Variants in ARVCF observed in about 807,000 individuals in gnomAD.
The protein encoded by ARVCF is splicing regulator ARVCF.
Under a neutral mutation model 90.9 loss-of-function variants are expected in ARVCF, and 66 were observed. The observed-to-expected ratio is 0.73, with a 90% confidence interval of 0.60 to 0.89. ARVCF has a LOEUF of 0.89. Ranked by LOEUF, ARVCF falls within the 40% of genes least tolerant of loss-of-function variation. The pLI, the probability that ARVCF is intolerant of heterozygous loss-of-function variation, is 0.00. For synonymous variants in ARVCF, 653 were observed against 603.4 expected (o/e 1.08, Z -1.21); for missense variants, 1,469 against 1,382.3 (o/e 1.06, Z -1.00).
chr22:19,993,780 C>A (rs1377765510), intron 2 of ARVCF, among the ~76,000 whole-genome samples: 7 of 152,244 alleles, frequency 4.6e-5, no homozygotes, highest in African/African-American at 1.4e-4. Context: ...CATGTTCCAA[C>A]CAGAAAACAT....
At chr22:19,977,192 T>A (rs1438675718) in intron 9 of ARVCF, among the ~76,000 whole-genome samples, 2 of 152,162 alleles carry the variant, frequency 1.3e-5, no homozygotes, top group Non-Finnish European at 2.9e-5. Context: ...GTGTACTCCC[T>A]GGGGGTCCCA....
At chr22:19,968,566 C>A (rs1303461986), downstream of ARVCF, 1 of 1,614,042 alleles carries the variant, frequency 6.2e-7, no homozygotes, top group Admixed American at 1.7e-5. Flanking sequence ...GGGGACAGTG[C>A]TACTGGCTGA....
chr22:19,990,293 G>A, intron 3 of ARVCF, among the ~76,000 whole-genome samples: 1 of 152,200 alleles, frequency 6.6e-6, no homozygotes, highest in East Asian at 1.9e-4. Context: ...AGTGTCTCTA[G>A]GCAGACCAAA....
At chr22:19,993,072 T>C (rs1215252643) in intron 2 of ARVCF, among the ~76,000 whole-genome samples, 2 of 152,178 alleles carry the variant, frequency 1.3e-5, no homozygotes, top group Non-Finnish European at 1.5e-5. Flanking sequence ...CTGGCAGCCA[T>C]GCTCAGGAGA....
downstream of ARVCF, among the ~76,000 whole-genome samples, chr22:19,968,167 C>T (rs564533638): frequency 2.6e-5 from 4 of 152,216 alleles, no homozygotes; most frequent in Non-Finnish European, 5.9e-5. Context: ...GGGTGCCTCT[C>T]CCTCATAGGC....
downstream of ARVCF, chr22:19,968,868 C>A: frequency 2.5e-6 from 2 of 792,546 alleles, no homozygotes; most frequent in Non-Finnish European, 4.2e-6. Context: ...GAGGCCTGCG[C>A]CCTGACATGC....
At chr22:20,003,530 AC>A (rs1301133922) in intron 2 of ARVCF, among the ~76,000 whole-genome samples, 2 of 152,214 alleles carry the variant, frequency 1.3e-5, no homozygotes, top group Non-Finnish European at 2.9e-5. Flanking sequence ...TATAAACCTA[AC>A]CAAGTGGGAT....
At chr22:19,998,884 T>G (rs1481290212) in intron 2 of ARVCF, among the ~76,000 whole-genome samples, 1 of 152,142 alleles carries the variant, frequency 6.6e-6, no homozygotes, top group Non-Finnish European at 1.5e-5. Flanking sequence ...TCCTCTCACT[T>G]CTCAAGCCTC....
chr22:19,975,842 C>A, intron 10 of ARVCF, 85 bp from the exon 11 acceptor site: 1 of 1,444,146 alleles, frequency 6.9e-7, no homozygotes, highest in Non-Finnish European at 9.6e-7. Context: ...TTCTCTCCTA[C>A]CCAGGCCCCA....
In ARVCF at chr22:20,007,794, TC is replaced by T. The variant is rs1199277063; in HGVS notation, c.-19+2660del. On this transcript the variant is annotated intron_variant, in intron 2 of 19. Coordinates refer to ENST00000263207, the MANE Select transcript of ARVCF (RefSeq NM_001670.3). ...AGATGTGGCCCCTCAATCCTGGACTTCCCCATCTCCAAAATTGTTAGAAATA... is the reference window on the plus strand; with the variant it reads ...AGATGTGGCCCCTCAATCCTGGACTTCCCATCTCCAAAATTGTTAGAAATA... Among the ~76,000 whole-genome samples the T allele has an allele frequency of 1.2e-4, 19 of 152,348 alleles. No individual in the cohort carries two copies. The East Asian group carries it at 3.1e-3, about 25-fold the overall frequency.
intron 4 of ARVCF, 72 bp from the exon 5 acceptor site, chr22:19,981,809 G>T: frequency 6.5e-7 from 1 of 1,548,820 alleles, no homozygotes. Flanking sequence ...GGTCTGGCTG[G>T]CCTTAATTTC....
In ARVCF at chr22:19,971,346, C is replaced by T. The variant is rs1291084922; in HGVS notation, c.2782-11G>A. ...CCTGCTGGGGTCGAGCTGCAGCGCA[C>T]GGGTGGGCATTAGAGGCACAATAGA... On this transcript the variant is annotated splice_polypyrimidine_tract_variant and intron_variant, in intron 18 of 19. Transcript: ENST00000263207. The T allele has an allele frequency of 3.9e-6, 6 of 1,549,200 alleles. No individual in the cohort carries two copies. The highest frequency in any genetic ancestry group is 1.2e-5 in the South Asian group (1 of 84,178).
chr22:19,973,626 T>A lies in ARVCF; in HGVS notation c.2239+17A>T. 1 of 1,596,338 alleles carries A rather than the reference T, an allele frequency of 6.3e-7. No homozygotes were observed. Among genetic ancestry groups the A allele is most frequent in the Non-Finnish European group, 8.5e-7 (1 of 1,170,382 alleles). ...CACAGTTCGGTGCCCAGGCGTGGGC[T>A]TTGCAGGCGTCCTCACCGATGAGGT... is the stretch of plus-strand genomic sequence containing the variant. On this transcript the variant is annotated intron_variant, in intron 13 of 19. Transcript: ENST00000263207.
At chr22:20,009,315 G>A (rs910910435) in intron 2 of ARVCF, among the ~76,000 whole-genome samples, 8 of 152,194 alleles carry the variant, frequency 5.3e-5, no homozygotes, top group African/African-American at 1.7e-4. Flanking sequence ...TGGCCCGGCC[G>A]GCAGCTTTCC....
downstream of ARVCF, chr22:19,968,425 C>A: frequency 9.3e-7 from 1 of 1,072,124 alleles, no homozygotes; most frequent in Non-Finnish European, 1.4e-6. Flanking sequence ...GCCCCAGGGG[C>A]TAGGCACAGG....
chr22:19,984,208 C>T (rs1195463027), intron 3 of ARVCF, among the ~76,000 whole-genome samples: 3 of 152,148 alleles, frequency 2.0e-5, no homozygotes, highest in Non-Finnish European at 2.9e-5. Flanking sequence ...AGAAAAACCC[C>T]CTCTTCCCTA....
chr22:19,974,729 C>G (rs1006616172), intron 11 of ARVCF, among the ~76,000 whole-genome samples: 11 of 151,980 alleles, frequency 7.2e-5, no homozygotes, highest in African/African-American at 2.4e-4. Context: ...CCCCTAGCAA[C>G]AGGGCCCACC....
chr22:19,973,772 T>C lies in ARVCF; in HGVS notation c.2110A>G (p.Thr704Ala), dbSNP rs1392706896. The C allele has an allele frequency of 6.2e-7, 1 of 1,606,752 alleles. No homozygotes were observed. Among genetic ancestry groups the C allele is most frequent in the Admixed American group, 1.7e-5 (1 of 60,012 alleles). ...GGCAGCCCGCGCTCTTTGCGCACTGTGGCGCGGATGTACGTGGCCCACTGC... is the reference window on the plus strand; with the variant it reads ...GGCAGCCCGCGCTCTTTGCGCACTGCGGCGCGGATGTACGTGGCCCACTGC... ...NWMWATYIRA[T>A]VRKERGLPVL... The change falls in exon 13 of 20, where the codon ACA (threonine) becomes GCA (alanine). Residue 704 changes from threonine to alanine, a missense_variant. Transcript: ENST00000263207.
chr22:19,972,960 A>G lies in ARVCF; in HGVS notation c.2515T>C (p.Leu839=). The G allele has an allele frequency of 1.2e-6, 2 of 1,613,838 alleles. No homozygotes were observed. Among genetic ancestry groups the G allele is most frequent in the Non-Finnish European group, 1.7e-6 (2 of 1,180,030 alleles). ...VWSYKELRGT[L]QKDGWTKARF... ...GCCTTGGTCCAACCATCTTTCTGCAAGGTACCACGCAGCTCCTTGTAGCTC... is the reference window on the plus strand; with the variant it reads ...GCCTTGGTCCAACCATCTTTCTGCAGGGTACCACGCAGCTCCTTGTAGCTC... The change falls in exon 15 of 20, where the codon TTG becomes CTG. Residue 839 remains leucine, a synonymous_variant. Coordinates refer to ENST00000263207, the MANE Select transcript of ARVCF (RefSeq NM_001670.3).
Sources: allele counts gnomAD v4.1 joint callset (sites outside exome capture counted in the v4.1 genomes callset), GRCh38; gene constraint gnomAD v4.1.1; transcripts MANE v1.5; gene names NCBI Gene and HGNC (gene_info 2026-07-23, HGNC 2026-07-21).